The following RCN3 variants were observed in gnomAD, a reference collection of about 807,000 sequenced individuals.
The protein encoded by RCN3 is reticulocalbin 3.
RCN3 carries 41 observed loss-of-function variants against 35.9 expected under a neutral mutation model. That is an observed-to-expected ratio of 1.14 (90% CI 0.89 to 1.48). The LOEUF is 1.48. RCN3 is among the 40% of genes most tolerant of loss of function. The pLI, the probability that RCN3 is intolerant of heterozygous loss-of-function variation, is 0.00. For synonymous variants in RCN3, 187 were observed against 193.4 expected, an observed-to-expected ratio of 0.97 and a Z score of 0.27; for missense variants, 451 against 471.3, an observed-to-expected ratio of 0.96 and a Z score of 0.40.
intron 2 of RCN3, among the ~76,000 whole-genome samples, chr19:49,532,100 C>CTTTT (rs925920521): frequency 1.4e-4 from 13 of 93,056 alleles, no homozygotes; most frequent in Non-Finnish European, 1.8e-4. Flanking sequence ...GGCGCCTGGC[C>CTTTT]TTTTTTTTTT....
In RCN3 at chr19:49,532,100, CT is replaced by C. The variant is rs925920521; in HGVS notation, c.243-2070del. Among the ~76,000 whole-genome samples the C allele has an allele frequency of 4.3e-3, 397 of 93,070 alleles. 1 individual carries two copies. Among genetic ancestry groups the C allele is most frequent in the African/African-American group, 0.011 (241 of 22,682 alleles). 61.1% of individuals were successfully genotyped at this position (93,070 alleles called of 152,430 possible). A position where few individuals can be genotyped will look rare whatever the true frequency, so the allele number is the denominator to read the frequency against. ...ACAGGCGTGAGCCATGGCGCCTGGC[CT>C]TTTTTTTTTTTTTTTTTTTTTTGAG... is the stretch of plus-strand genomic sequence containing the variant. On this transcript the variant is annotated intron_variant, in intron 2 of 6. Coordinates refer to ENST00000270645, the MANE Select transcript of RCN3 (RefSeq NM_020650.3).
rs1000356116 is a variant in RCN3, at chr19:49,540,893, G to A, written c.680-1660G>A. On this transcript the variant is annotated intron_variant, in intron 5 of 6. Transcript: ENST00000270645. The stretch of plus-strand genomic sequence containing the variant: ...GCACAGGACAGGCCCTGACAACAAG[G>A]AGGTCACAGGCCCCAGATGCCAGCA... 2.6e-5 allele frequency among the ~76,000 whole-genome samples: 4 copies of A among 151,172 alleles called. No individual in the cohort carries two copies. The East Asian group carries it at 5.8e-4, about 22-fold the overall frequency.
intron 2 of RCN3, among the ~76,000 whole-genome samples, chr19:49,532,930 C>T (rs2080116086): frequency 6.6e-6 from 1 of 152,212 alleles, no homozygotes; most frequent in Non-Finnish European, 1.5e-5. Context: ...CCTGTCTTGG[C>T]TTCCCAAAGT....
chr19:49,543,232 A>G lies in RCN3; in HGVS notation c.*19A>G. The G allele has an allele frequency of 4.4e-6, 7 of 1,589,054 alleles. No individual in the cohort carries two copies. The highest frequency in any genetic ancestry group is 5.2e-6 in the Non-Finnish European group (6 of 1,158,898). ...GCTGTGAGCACCGCGCACCTGCCAC[A>G]GCCTCAGAGGCCCGCACAATGACCG... On this transcript the variant is annotated 3_prime_UTR_variant, in exon 7 of 7. Transcript: ENST00000270645.
intron 3 of RCN3, among the ~76,000 whole-genome samples, chr19:49,534,942 G>A (rs1022259121): frequency 2.6e-5 from 4 of 151,944 alleles, no homozygotes; most frequent in African/African-American, 9.7e-5. Flanking sequence ...TCTGTCCCAA[G>A]TCCCAGCCTC....
rs1334652332 is a variant in RCN3 at position 49,534,277 on chromosome 19, G to T, written c.327G>T (p.Thr109=). The stretch of plus-strand genomic sequence containing the variant: ...AGCTTCGCGCGTGGATCGCGCACAC[G>T]CAGCAGCGGCACATACGGGACTCGG... ...LAELRAWIAH[T]QQRHIRDSVS... Residue 109 remains threonine (T), a synonymous_variant, in exon 3 of 7, where the codon ACG becomes ACT. Coordinates refer to ENST00000270645, the MANE Select transcript of RCN3 (RefSeq NM_020650.3). The T allele has an allele frequency of 6.8e-7, 1 of 1,461,268 alleles. No homozygotes were observed. 90.5% of individuals were successfully genotyped at this position (1,461,268 alleles called of 1,614,324 possible). A position where few individuals can be genotyped will look rare whatever the true frequency, so the allele number is the denominator to read the frequency against.
At chr19:49,537,587 AC>A (rs2080142669) in intron 4 of RCN3, among the ~76,000 whole-genome samples, 1 of 150,866 alleles carries the variant, frequency 6.6e-6, no homozygotes, top group Non-Finnish European at 1.5e-5. Flanking sequence ...GCTCACTGCA[AC>A]CTCCGCCTCC....
rs758042375 is a variant in RCN3 at position 49,534,207 on chromosome 19, G to A, written c.257G>A (p.Arg86His). The A allele has an allele frequency of 7.4e-6, 11 of 1,491,590 alleles. No homozygotes were observed. The East Asian group carries it at 2.1e-4, about 29-fold the overall frequency. 92.4% of individuals were successfully genotyped at this position (1,491,590 alleles called of 1,614,324 possible). ...SQARLGRIVD[R>H]MDRAGDGDGW... ...CCGGCTTCTAGGCGGATCGTGGACC[G>A]CATGGACCGCGCGGGGGACGGCGAC... The change falls in exon 3 of 7, where the codon CGC (arginine) becomes CAC (histidine). Residue 86 changes from arginine to histidine, a missense_variant. Arg to His is a conservative substitution (Grantham distance 29). Transcript: ENST00000270645.
intron 2 of RCN3, among the ~76,000 whole-genome samples, chr19:49,532,272 A>AT (rs1432740218): frequency 1.9e-5 from 2 of 104,200 alleles, no homozygotes; most frequent in African/African-American, 7.6e-5. Context: ...CGCCCGGCTA[A>AT]TTTTTTGTAT....
At position 49,528,520 on chromosome 19, in the gene RCN3, C is replaced by T. The variant is rs765571167; in HGVS notation, c.48C>T (p.His16=). The change falls in exon 2 of 7, where the codon CAC becomes CAT. Residue 16 remains histidine (H), a synonymous_variant. Transcript: ENST00000270645. ...SVLLLLLLLR[H]GAQGKPSPDA... The stretch of plus-strand genomic sequence containing the variant: ...TGCTGCTTCTGTTGCTACTGAGGCA[C>T]GGGGCCCAGGGGAAGCCATCCCCAG... 2.6e-6 allele frequency: 4 copies of T among 1,549,438 alleles called. No homozygotes were observed. The highest frequency in any genetic ancestry group is 2.0e-5 in the Admixed American group (1 of 48,980).
At chr19:49,542,425 A>G in intron 5 of RCN3, 128 bp from the exon 6 acceptor site, 1 of 618,122 alleles carries the variant, frequency 1.6e-6, no homozygotes, top group South Asian at 2.1e-5. Context: ...GAGGACGCTG[A>G]GGCGAGAGAG....
rs183714188 is a variant in RCN3, at chr19:49,539,285, C to T, written c.679+106C>T. On this transcript the variant is annotated intron_variant, in intron 5 of 6. Transcript: ENST00000270645. ...ATCACCCATCATCAGAGAACAGTGG[C>T]CCTCAGACATGGGGGCAGGGGCACT... is the stretch of plus-strand genomic sequence containing the variant. 1.8e-4 allele frequency: 152 copies of T among 853,240 alleles called. No individual in the cohort carries two copies. The African/African-American group carries it at 2.1e-3, about 12-fold the overall frequency. 52.9% of individuals were successfully genotyped at this position (853,240 alleles called of 1,614,324 possible).
chr19:49,536,235 C>G (rs900647963), intron 3 of RCN3, among the ~76,000 whole-genome samples: 2 of 150,492 alleles, frequency 1.3e-5, no homozygotes, highest in Admixed American at 6.6e-5. Flanking sequence ...ATCTGCCCAC[C>G]TCGGCCTCCC....
intron 2 of RCN3, among the ~76,000 whole-genome samples, chr19:49,530,785 C>T (rs370871478): frequency 2.6e-5 from 4 of 152,234 alleles, no homozygotes; most frequent in South Asian, 2.1e-4. Context: ...CATGAGCCAC[C>T]GCACCCGGCT....
intron 5 of RCN3, among the ~76,000 whole-genome samples, chr19:49,540,064 AT>A (rs1267474072): frequency 6.6e-6 from 1 of 150,886 alleles, no homozygotes; most frequent in Non-Finnish European, 1.5e-5. Context: ...TTATTCTTTT[AT>A]TTTTTTCTGA....
rs146770691 is a variant in RCN3 at position 49,537,342 on chromosome 19, C to T, written c.618+137C>T. 21 of 852,762 alleles carry T rather than the reference C, an allele frequency of 2.5e-5. No individual in the cohort carries two copies. In the African/African-American group the frequency reaches 2.8e-4, roughly 11 times the overall value. 52.8% of individuals were successfully genotyped at this position (852,762 alleles called of 1,614,324 possible). A position where few individuals can be genotyped will look rare whatever the true frequency, so the allele number is the denominator to read the frequency against. ...CAGCATCTTGCCGGGGAAGCCAGGC[C>T]GCAAACACAGGTCAGAGGACGGTGA... On this transcript the variant is annotated intron_variant, in intron 4 of 6. Transcript: ENST00000270645.
chr19:49,536,553 G>A (rs940215798), intron 3 of RCN3, among the ~76,000 whole-genome samples: 2 of 149,358 alleles, frequency 1.3e-5, no homozygotes, highest in African/African-American at 4.9e-5. Flanking sequence ...CACCCACCTC[G>A]GCCTCCCAAA....
chr19:49,529,462 C>T (rs963205971), intron 2 of RCN3, among the ~76,000 whole-genome samples: 2 of 152,274 alleles, frequency 1.3e-5, no homozygotes, highest in Non-Finnish European at 2.9e-5. Context: ...CAGGGGGGCG[C>T]GATGGGAGCA....
In RCN3 at chr19:49,537,586, A is replaced by C. The variant is rs903294766; in HGVS notation, c.618+381A>C. On this transcript the variant is annotated intron_variant, in intron 4 of 6. Coordinates refer to ENST00000270645, the MANE Select transcript of RCN3 (RefSeq NM_020650.3). ...CAGTGGTGCGATCTCAGCTCACTGC[A>C]ACCTCCGCCTCCCGGGTTCAAGCAA... 8.1e-4 allele frequency among the ~76,000 whole-genome samples: 123 copies of C among 151,766 alleles called. 1 individual carries two copies. The highest frequency in any genetic ancestry group is 2.6e-3 in the African/African-American group (109 of 41,352).
Sources: allele counts gnomAD v4.1 joint callset (sites outside exome capture counted in the v4.1 genomes callset), GRCh38; gene constraint gnomAD v4.1.1; transcripts MANE v1.5; gene names NCBI Gene and HGNC (gene_info 2026-07-23, HGNC 2026-07-21).